Variants in GPR137C observed in about 807,000 individuals in gnomAD.
GPR137C encodes integral membrane protein GPR137C.
GPR137C carries 27 observed loss-of-function variants against 43.4 expected under a neutral mutation model. The ratio of observed to expected loss-of-function variants is 0.62; its 90% CI spans 0.46 to 0.86. The LOEUF (loss-of-function observed/expected upper bound fraction) is 0.86. Ranked by LOEUF, GPR137C falls within the 40% of genes least tolerant of loss-of-function variation. The pLI is 0.00. For missense variants in GPR137C, 522 were observed against 534.6 expected, an observed-to-expected ratio of 0.98 and a Z score of 0.23; for synonymous variants, 285 against 226.9, an observed-to-expected ratio of 1.26 and a Z score of -2.30.
At chr14:52,599,673 A>T (rs181985635) in intron 2 of GPR137C, among the ~76,000 whole-genome samples, 38 of 152,266 alleles carry the variant, frequency 2.5e-4, no homozygotes, top group Admixed American at 2.2e-3. Context: ...GCCTCAAGTG[A>T]TCTGCCTGCC....
chr14:52,631,165 G>T (rs531203416), intron 3 of GPR137C, among the ~76,000 whole-genome samples: 1 of 152,238 alleles, frequency 6.6e-6, no homozygotes, highest in African/African-American at 2.4e-5. Context: ...ACGGAATTAG[G>T]TTCTGACTCA....
intron 4 of GPR137C, among the ~76,000 whole-genome samples, 173 bp downstream of exon 4, chr14:52,632,482 AATC>A (rs2039306665): frequency 6.6e-6 from 1 of 152,078 alleles, no homozygotes; most frequent in Non-Finnish European, 1.5e-5. Flanking sequence ...TGACATTTGA[AATC>A]ATTCTTCACA....
At chr14:52,594,259 T>C (rs2038821729) in intron 1 of GPR137C, among the ~76,000 whole-genome samples, 1 of 152,226 alleles carries the variant, frequency 6.6e-6, no homozygotes, top group African/African-American at 2.4e-5. Context: ...TGGTCAATTT[T>C]AGAATAAGTG....
intron 3 of GPR137C, among the ~76,000 whole-genome samples, chr14:52,626,321 T>C (rs1200281436): frequency 1.3e-5 from 2 of 152,142 alleles, no homozygotes; most frequent in African/African-American, 4.8e-5. Flanking sequence ...ATTTATTGTG[T>C]CCAAGAGATG....
intron 3 of GPR137C, among the ~76,000 whole-genome samples, chr14:52,607,318 A>G (rs1236523558): frequency 6.6e-6 from 1 of 152,198 alleles, no homozygotes; most frequent in Non-Finnish European, 1.5e-5. Flanking sequence ...GGCTTAGAGT[A>G]TAATTTATCT....
At chr14:52,568,840 T>C (rs907031663) in intron 1 of GPR137C, among the ~76,000 whole-genome samples, 2 of 152,194 alleles carry the variant, frequency 1.3e-5, no homozygotes, top group Admixed American at 6.5e-5. Context: ...ACAGGGCACC[T>C]GGGGGAAGGG....
At chr14:52,587,964 A>G (rs2139499627) in intron 1 of GPR137C, among the ~76,000 whole-genome samples, 1 of 152,308 alleles carries the variant, frequency 6.6e-6, no homozygotes, top group South Asian at 2.1e-4. Context: ...ATAATAATTT[A>G]TTCAGGTAAG....
intron 1 of GPR137C, among the ~76,000 whole-genome samples, chr14:52,562,408 G>C (rs1678081507): frequency 6.6e-6 from 1 of 152,104 alleles, no homozygotes; most frequent in East Asian, 1.9e-4. Flanking sequence ...TAAATAACTG[G>C]GATTTCATAG....
chr14:52,560,335 C>T (rs2038261652), intron 1 of GPR137C, among the ~76,000 whole-genome samples: 1 of 152,036 alleles, frequency 6.6e-6, no homozygotes, highest in South Asian at 2.1e-4. Flanking sequence ...GTTATTTCTC[C>T]CTTAATTTGA....
intron 3 of GPR137C, among the ~76,000 whole-genome samples, chr14:52,605,205 A>AT (rs536820345): frequency 9.9e-5 from 15 of 152,032 alleles, no homozygotes; most frequent in Non-Finnish European, 2.1e-4. Context: ...ATGTCTTTCC[A>AT]TTTTTTGTGT....
At chr14:52,619,226 G>A (rs1343932239) in intron 3 of GPR137C, among the ~76,000 whole-genome samples, 2 of 151,944 alleles carry the variant, frequency 1.3e-5, no homozygotes, top group African/African-American at 4.8e-5. Flanking sequence ...CTAACGCAAT[G>A]GTTTATGGTA....
chr14:52,596,598 C>A (rs1284583636), intron 1 of GPR137C, among the ~76,000 whole-genome samples: 1 of 152,214 alleles, frequency 6.6e-6, no homozygotes, highest in African/African-American at 2.4e-5. Context: ...TAGCATTGAG[C>A]AAGGCTCTGT....
intron 3 of GPR137C, among the ~76,000 whole-genome samples, chr14:52,604,492 C>G (rs767649958): frequency 6.6e-6 from 1 of 151,396 alleles, no homozygotes; most frequent in Non-Finnish European, 1.5e-5. Context: ...GTCACCCAGA[C>G]TCTAGTGCAG....
At chr14:52,590,253 GA>G (rs145384626) in intron 1 of GPR137C, among the ~76,000 whole-genome samples, 13,637 of 149,330 alleles carry the variant, frequency 0.091, 680 homozygotes, top group South Asian at 0.15. Flanking sequence ...TTTACAATAG[GA>G]AAAAAAAAGC....
Position 52,610,939 on chromosome 14 carries a change from G to C in GPR137C, c.717+10598G>C, listed in dbSNP as rs561702852. The stretch of plus-strand genomic sequence containing the variant: ...CCCTGTGTTTACTTATAATCTTTTA[G>C]GTGTGTATTTTTATATAGGTTTTAA... On this transcript the variant is annotated intron_variant, in intron 3 of 6. Transcript: ENST00000321662. Among the ~76,000 whole-genome samples, 37 of 151,994 alleles carry C rather than the reference G, an allele frequency of 2.4e-4. 1 individual carries two copies. Among genetic ancestry groups the C allele is most frequent in the African/African-American group, 8.4e-4 (35 of 41,444 alleles).
At chr14:52,618,045 G>T (rs1422223369) in intron 3 of GPR137C, among the ~76,000 whole-genome samples, 1 of 152,096 alleles carries the variant, frequency 6.6e-6, no homozygotes. Context: ...GGCAAAATTT[G>T]ACTGGAGAGG....
At chr14:52,621,424 A>G (rs752950013) in intron 3 of GPR137C, among the ~76,000 whole-genome samples, 3 of 151,930 alleles carry the variant, frequency 2.0e-5, no homozygotes, top group Non-Finnish European at 4.4e-5. Flanking sequence ...AGAAAATTCT[A>G]CAGACTGAAA....
intron 3 of GPR137C, among the ~76,000 whole-genome samples, chr14:52,631,643 A>C (rs1241122703): frequency 6.6e-6 from 1 of 152,108 alleles, no homozygotes; most frequent in African/African-American, 2.4e-5. Context: ...GAAAGTACAT[A>C]TGGGTGCCCA....
intron 3 of GPR137C, among the ~76,000 whole-genome samples, chr14:52,600,938 C>T (rs1231210247): frequency 6.6e-6 from 1 of 152,168 alleles, no homozygotes; most frequent in East Asian, 1.9e-4. Flanking sequence ...GAAAATGTTA[C>T]TTCACCCAAT....
Sources: gnomAD v4.1 joint callset for allele counts (sites outside exome capture counted in the v4.1 genomes callset) on GRCh38, gnomAD v4.1.1 for gene constraint, MANE v1.5 for transcripts, NCBI Gene and HGNC (gene_info 2026-07-23, HGNC 2026-07-21) for gene names.